The following RUNX1T1 variants were observed in gnomAD, a reference collection of about 807,000 sequenced individuals.
The protein encoded by RUNX1T1 is protein CBFA2T1.
RUNX1T1 carries 4 observed loss-of-function variants against 62.8 expected under a neutral mutation model. The observed-to-expected ratio is 0.06, with a 90% CI of 0.03 to 0.15. The LOEUF is 0.15. Ranked by LOEUF, RUNX1T1 falls within the 10% of genes least tolerant of loss-of-function variation. The probability of loss-of-function intolerance (pLI) is 1.00; values close to 1 mark genes in which losing one functional copy is unlikely to be tolerated. For missense variants in RUNX1T1, 508 were observed against 754.3 expected, an observed-to-expected ratio of 0.67 and a Z score of 3.82; for synonymous variants, 291 against 286.0, an observed-to-expected ratio of 1.02 and a Z score of -0.18.
At chr8:91,993,729 C>T (rs1818136816) in intron 5 of RUNX1T1, among the ~76,000 whole-genome samples, 1 of 152,110 alleles carries the variant, frequency 6.6e-6, no homozygotes, top group Non-Finnish European at 1.5e-5. Flanking sequence ...CAGTGACTCA[C>T]ACCTGTAATC....
chr8:92,062,572 C>G (rs746564444), exon 1 of RUNX1T1: 2 of 1,613,942 alleles, frequency 1.2e-6, no homozygotes, highest in Admixed American at 3.3e-5. Flanking sequence ...CAGCGTACCA[C>G]ACAGAAAGTG....
chr8:92,076,101 C>G, exon 2 of RUNX1T1: 2 of 1,587,028 alleles, frequency 1.3e-6, no homozygotes, highest in Non-Finnish European at 8.5e-7. Context: ...CTGACTGGGA[C>G]AGAGATTATG....
upstream of RUNX1T1, among the ~76,000 whole-genome samples, chr8:92,065,433 G>A (rs1263845539): frequency 6.6e-6 from 1 of 152,108 alleles, no homozygotes; most frequent in East Asian, 1.9e-4. Flanking sequence ...GAACCTCATC[G>A]GTTAATGTAT....
upstream of RUNX1T1, chr8:92,099,726 C>T (rs1052631385): frequency 6.7e-6 from 5 of 744,734 alleles, no homozygotes; most frequent in Non-Finnish European, 8.2e-6. Context: ...CAGTGCCTGT[C>T]AGCTGATGTT....
intron 5 of RUNX1T1, among the ~76,000 whole-genome samples, 199 bp from the exon 7 acceptor site, chr8:91,992,088 G>A (rs1329359521): frequency 6.6e-6 from 1 of 152,096 alleles, no homozygotes; most frequent in Non-Finnish European, 1.5e-5. Context: ...CTGCAGACAG[G>A]AAAAAATCCT....
At chr8:92,081,332 A>G (rs766240616) in intron 1 of RUNX1T1, 6 of 640,306 alleles carry the variant, frequency 9.4e-6, no homozygotes, top group Non-Finnish European at 1.2e-5. Context: ...ATAATTAAAT[A>G]TGAAATAAAT....
chr8:92,027,787 G>T (rs1489018340), intron 1 of RUNX1T1, among the ~76,000 whole-genome samples: 1 of 152,042 alleles, frequency 6.6e-6, no homozygotes, highest in African/African-American at 2.4e-5. Context: ...GTAAGAGAAT[G>T]AGATAAATCT....
chr8:92,010,929 A>G lies in RUNX1T1; in HGVS notation c.477+73T>C, dbSNP rs756082630. 7 of 810,816 alleles carry G rather than the reference A, an allele frequency of 8.6e-6. No individual in the cohort carries two copies. In the East Asian group the frequency reaches 1.0e-4, roughly 12 times the overall value. 50.2% of individuals were successfully genotyped at this position (810,816 alleles called of 1,614,324 possible). A position where few individuals can be genotyped will look rare whatever the true frequency, so the allele number is the denominator to read the frequency against. On this transcript the variant is annotated intron_variant, in intron 4 of 10. Transcript: ENST00000396218. ...AAATCAAAGAGCCCCTAAATGTACT[A>G]AAAAAGCACACAGTTATGACCTAGC...
intron 2 of RUNX1T1, among the ~76,000 whole-genome samples, chr8:92,071,715 G>A (rs1277549617): frequency 6.6e-6 from 1 of 152,132 alleles, no homozygotes; most frequent in Admixed American, 6.5e-5. Context: ...GAGAGATACT[G>A]GGTTTTCACA....
At chr8:92,072,428 G>T (rs748753018) in intron 2 of RUNX1T1, among the ~76,000 whole-genome samples, 2 of 151,880 alleles carry the variant, frequency 1.3e-5, no homozygotes, top group South Asian at 4.1e-4. Flanking sequence ...ATAAGAAAGT[G>T]GTATATTTAT....
chr8:92,047,535 CTA>C (rs1190388138), intron 1 of RUNX1T1, among the ~76,000 whole-genome samples: 1 of 152,016 alleles, frequency 6.6e-6, no homozygotes, highest in Admixed American at 6.6e-5. Flanking sequence ...AATGTAAGTT[CTA>C]TGAGGGCAAA....
chr8:92,094,920 G>T (rs1837562795), intron 1 of RUNX1T1: 1 of 768,620 alleles, frequency 1.3e-6, no homozygotes, highest in Non-Finnish European at 2.1e-6. Flanking sequence ...AGGCTTCAGC[G>T]TCCAGTCAAT....
intron 1 of RUNX1T1, among the ~76,000 whole-genome samples, chr8:92,046,856 A>C (rs1390567839): frequency 6.6e-6 from 1 of 152,214 alleles, no homozygotes; most frequent in African/African-American, 2.4e-5. Context: ...GCCATACAAC[A>C]ACAAATAAAA....
At chr8:92,101,180 T>C (rs755597784), upstream of RUNX1T1, among the ~76,000 whole-genome samples, 3 of 152,206 alleles carry the variant, frequency 2.0e-5, no homozygotes, top group Non-Finnish European at 2.9e-5. Flanking sequence ...AAAAAATCCC[T>C]GTAAAACACA....
intron 8 of RUNX1T1, among the ~76,000 whole-genome samples, chr8:91,976,326 T>C (rs1212131757): frequency 6.6e-6 from 1 of 152,210 alleles, no homozygotes; most frequent in Non-Finnish European, 1.5e-5. Context: ...ATTTGGTAGT[T>C]TTCCTTTCAT....
intron 1 of RUNX1T1, among the ~76,000 whole-genome samples, chr8:92,052,676 G>A (rs1304822902): frequency 6.6e-6 from 1 of 152,120 alleles, no homozygotes; most frequent in Non-Finnish European, 1.5e-5. Flanking sequence ...TCCTCTGAGG[G>A]CTTGTTCAAA....
chr8:91,962,942 T>C (rs1329258316), intron 10 of RUNX1T1, among the ~76,000 whole-genome samples: 24 of 152,316 alleles, frequency 1.6e-4, no homozygotes, highest in Non-Finnish European at 7.4e-5. Context: ...CTCCTTCAGA[T>C]TGAAATCAGA....
intron 9 of RUNX1T1, 122 bp downstream of exon 10, chr8:91,975,783 T>C (rs1237310399): frequency 1.1e-5 from 7 of 657,186 alleles, no homozygotes; most frequent in Middle Eastern, 2.6e-4. Context: ...TTTTGTTTTG[T>C]TTTGTTTTTG....
At chr8:92,072,545 AAG>A (rs1392590481) in intron 2 of RUNX1T1, among the ~76,000 whole-genome samples, 1 of 152,234 alleles carries the variant, frequency 6.6e-6, no homozygotes, top group African/African-American at 2.4e-5. Context: ...CAGAGACCAA[AAG>A]AGAGAAGAAT....
Sources: allele counts gnomAD v4.1 joint callset (sites outside exome capture counted in the v4.1 genomes callset), GRCh38; gene constraint gnomAD v4.1.1; transcripts MANE v1.5; gene names NCBI Gene and HGNC (gene_info 2026-07-23, HGNC 2026-07-21).